MDN1: variants seen among roughly 807,000 people sequenced by gnomAD.
MDN1 encodes the protein midasin AAA ATPase 1.
Under a neutral mutation model 669.2 loss-of-function variants are expected in MDN1, and 266 were observed. That is an observed-to-expected ratio of 0.40 (90% CI 0.36 to 0.44). The LOEUF (loss-of-function observed/expected upper bound fraction) is 0.44, where lower values mean the gene tolerates loss of function less well. Among genes scored for constraint, MDN1 ranks in the 20% least tolerant of loss-of-function variants. The pLI is 1.00. For synonymous variants in MDN1, 2,385 were observed against 2,457.1 expected, an observed-to-expected ratio of 0.97 and a Z score of 0.87; for missense variants, 5,940 against 6,754.0, an observed-to-expected ratio of 0.88 and a Z score of 4.22.
chr6:89,799,758 T>C (rs762849928), intron 2 of MDN1, among the ~76,000 whole-genome samples: 1 of 152,228 alleles, frequency 6.6e-6, no homozygotes, highest in African/African-American at 2.4e-5. Flanking sequence ...AAAAAGTGTA[T>C]ACACATTTTT....
At chr6:89,674,061 G>A (rs2128304645) in intron 79 of MDN1, 43 bp downstream of exon 79, 1 of 1,597,788 alleles carries the variant, frequency 6.3e-7, no homozygotes, top group Non-Finnish European at 8.5e-7. Flanking sequence ...GCACAATAAG[G>A]ACCTAAGCAC....
At position 89,671,106 on chromosome 6, in the gene MDN1, C is replaced by T. The variant is rs936894419; in HGVS notation, c.13795-26G>A. The T allele has an allele frequency of 1.9e-6, 3 of 1,605,006 alleles. No homozygotes were observed. In the African/African-American group the frequency reaches 4.0e-5, roughly 21 times the overall value. ...CTGAGACCAAAACAAAACAAAAGGC[C>T]TGCTCACACTGCTTGGCAGGTACCA... is the stretch of plus-strand genomic sequence containing the variant. On this transcript the variant is annotated intron_variant, in intron 82 of 101. Coordinates refer to ENST00000369393, the MANE Select transcript of MDN1 (RefSeq NM_014611.3).
Position 89,777,371 on chromosome 6 carries a change from T to C in MDN1, c.1726-676A>G, listed in dbSNP as rs530635669. 7.2e-5 allele frequency among the ~76,000 whole-genome samples: 11 copies of C among 152,344 alleles called. No homozygotes were observed. The East Asian group carries it at 2.1e-3, about 29-fold the overall frequency. On this transcript the variant is annotated intron_variant, in intron 11 of 101. Coordinates refer to ENST00000369393, the MANE Select transcript of MDN1 (RefSeq NM_014611.3). The stretch of plus-strand genomic sequence containing the variant: ...CTAACATGGCTGACTCCATCTTACT[T>C]CTAAGCCTCATAGGCTGGCCATCTT...
At chr6:89,651,011 G>C (rs371248761) in intron 95 of MDN1, among the ~76,000 whole-genome samples, 164 bp from the exon 96 acceptor site, 1 of 152,150 alleles carries the variant, frequency 6.6e-6, no homozygotes, top group African/African-American at 2.4e-5. Flanking sequence ...TAATTTACTT[G>C]ATTAAAAATG....
intron 52 of MDN1, 117 bp downstream of exon 52, chr6:89,707,244 G>A: frequency 1.4e-6 from 1 of 699,750 alleles, no homozygotes; most frequent in East Asian, 2.7e-5. Flanking sequence ...TTAAAATCAG[G>A]CCAGCAGATT....
At chr6:89,747,614 G>A (rs1304052655) in intron 26 of MDN1, 144 bp from the exon 27 acceptor site, 60 of 978,580 alleles carry the variant, frequency 6.1e-5, no homozygotes, top group Middle Eastern at 4.7e-4. Context: ...TTTTTTGGCC[G>A]GGCGTGGTGG....
chr6:89,795,147 C>T (rs1437591961), intron 2 of MDN1, among the ~76,000 whole-genome samples: 2 of 152,074 alleles, frequency 1.3e-5, no homozygotes, highest in Non-Finnish European at 2.9e-5. Flanking sequence ...CCTACAAAAT[C>T]GGGGGGTACT....
intron 84 of MDN1, 45 bp from the exon 85 acceptor site, chr6:89,664,673 T>C: frequency 6.7e-7 from 1 of 1,495,642 alleles, no homozygotes; most frequent in South Asian, 1.2e-5. Context: ...ACTTTACCAA[T>C]GTTTGCTTCA....
At chr6:89,796,803 T>C (rs1487558469) in intron 2 of MDN1, among the ~76,000 whole-genome samples, 2 of 152,120 alleles carry the variant, frequency 1.3e-5, no homozygotes, top group Non-Finnish European at 2.9e-5. Flanking sequence ...GCGCAGTGGC[T>C]CACACCTGTA....
At chr6:89,742,417 A>T (rs1471774567) in intron 31 of MDN1, among the ~76,000 whole-genome samples, 2 of 127,668 alleles carry the variant, frequency 1.6e-5, no homozygotes, top group African/African-American at 6.3e-5. Flanking sequence ...AAAAAAATAA[A>T]CAAACAAACC....
intron 2 of MDN1, chr6:89,797,696 C>T (rs1350690133): frequency 4.3e-6 from 2 of 464,270 alleles, no homozygotes; most frequent in African/African-American, 2.0e-5. Context: ...AATCTGCCTT[C>T]AGTGGTGGCT....
intron 69 of MDN1, 117 bp downstream of exon 69, chr6:89,686,785 G>A (rs1252057674): frequency 3.7e-6 from 5 of 1,333,400 alleles, no homozygotes; most frequent in Non-Finnish European, 3.1e-6. Context: ...CAAATGGGAG[G>A]CATTCCCATG....
chr6:89,663,043 C>T (rs2128301570), intron 85 of MDN1, 76 bp from the exon 86 acceptor site: 14 of 1,537,564 alleles, frequency 9.1e-6, no homozygotes, highest in East Asian at 2.3e-5. Context: ...GGTGTGGACC[C>T]GCTTCCCTAG....
At chr6:89,746,631 G>A (rs1162553663) in intron 27 of MDN1, among the ~76,000 whole-genome samples, 5 of 126,040 alleles carry the variant, frequency 4.0e-5, no homozygotes, top group East Asian at 2.3e-4. Context: ...AAGAAAGAAA[G>A]AAAGAAAGAA....
intron 20 of MDN1, among the ~76,000 whole-genome samples, chr6:89,756,046 G>T (rs1817227417): frequency 6.6e-6 from 1 of 152,112 alleles, no homozygotes; most frequent in Non-Finnish European, 1.5e-5. Context: ...ATTATCTGAT[G>T]GTTTATATCT....
At chr6:89,715,574 T>A in intron 45 of MDN1, 79 bp downstream of exon 45, 2 of 842,834 alleles carry the variant, frequency 2.4e-6, no homozygotes, top group Non-Finnish European at 4.1e-6. Context: ...ATAAAATATA[T>A]AAGGAAGTCC....
chr6:89,795,693 C>T (rs201293511), intron 2 of MDN1, among the ~76,000 whole-genome samples: 1 of 140,292 alleles, frequency 7.1e-6, no homozygotes, highest in South Asian at 2.1e-4. Flanking sequence ...GTGGCTCACA[C>T]CCGTAATCCC....
rs1816877284 is a variant in MDN1 at position 89,750,370 on chromosome 6, C to T, written c.3390G>A (p.Lys1130=). 1 of 1,608,010 alleles carries T rather than the reference C, an allele frequency of 6.2e-7. No homozygotes were observed. The highest frequency in any genetic ancestry group is 1.3e-5 in the African/African-American group (1 of 74,848). ...IGCYTSDSSG[K]LVFKEGVLID... ...TAACCCTACCTTCCTTAAAGACAAG[C>T]TTCCCTGAGGAGTCAGACGTGTAAC... Residue 1130 remains lysine (K), a synonymous_variant, in exon 24 of 102, where the codon AAG becomes AAA. Transcript: ENST00000369393.
chr6:89,676,257 C>T (rs1363201897), intron 76 of MDN1, 50 bp from the exon 77 acceptor site: 2 of 1,514,982 alleles, frequency 1.3e-6, no homozygotes, highest in African/African-American at 1.4e-5. Flanking sequence ...CGCTCTCCCA[C>T]CCCAGATCCT....
Sources: allele counts gnomAD v4.1 joint callset (sites outside exome capture counted in the v4.1 genomes callset), GRCh38; gene constraint gnomAD v4.1.1; transcripts MANE v1.5; gene names NCBI Gene and HGNC (gene_info 2026-07-23, HGNC 2026-07-21).